RNF6: variants seen among roughly 807,000 people sequenced by gnomAD.
RNF6 encodes E3 ubiquitin-protein ligase RNF6.
A neutral mutation model predicts 50.1 loss-of-function variants in RNF6; 21 were observed. The ratio of observed to expected loss-of-function variants is 0.42; its 90% CI spans 0.30 to 0.60. RNF6 has a LOEUF of 0.60. Ranked by LOEUF, RNF6 falls within the 20% of genes least tolerant of loss-of-function variation. The pLI is 0.20. For synonymous variants in RNF6, 255 were observed against 291.8 expected (o/e 0.87, Z 1.29); for missense variants, 698 against 838.2 (o/e 0.83, Z 2.07).
At chr13:26,148,632 TTATATATATATATATATATATATA>T (rs57373126) in intron 5 of RNF6, among the ~76,000 whole-genome samples, 15 of 47,086 alleles carry the variant, frequency 3.2e-4, no homozygotes, top group Admixed American at 1.8e-3. Context: ...ATAAATCTCT[TTATATATATATATATATATATATA>T]TATATATATA....
chr13:26,211,684 T>C (rs1029003216), downstream of RNF6, among the ~76,000 whole-genome samples: 1 of 152,036 alleles, frequency 6.6e-6, no homozygotes, highest in Non-Finnish European at 1.5e-5. Flanking sequence ...CTTGAACCTG[T>C]GAGGCGGAGG....
intron 5 of RNF6, among the ~76,000 whole-genome samples, chr13:26,169,213 C>T (rs1363597918): frequency 6.6e-6 from 1 of 152,116 alleles, no homozygotes; most frequent in Non-Finnish European, 1.5e-5. Context: ...CCCCTCCCTG[C>T]TTCACAGACT....
intron 5 of RNF6, among the ~76,000 whole-genome samples, chr13:26,194,382 A>C (rs1175538845): frequency 1.3e-5 from 2 of 152,190 alleles, no homozygotes; most frequent in East Asian, 1.9e-4. Context: ...GGAGGAGAAG[A>C]AAAACTGAAG....
intron 5 of RNF6, among the ~76,000 whole-genome samples, chr13:26,204,824 T>G (rs9319280): frequency 0.2 from 31,141 of 152,184 alleles, 3,709 homozygotes; most frequent in East Asian, 0.4. Flanking sequence ...GGTATTCAAT[T>G]CTAATTGAAG....
chr13:26,220,450 T>G (rs1870360159), intron 2 of RNF6, among the ~76,000 whole-genome samples: 1 of 152,228 alleles, frequency 6.6e-6, no homozygotes, highest in Non-Finnish European at 1.5e-5. Flanking sequence ...TAAGTGTCAC[T>G]CCTGAGAAGC....
At chr13:26,148,637 T>TAC in intron 5 of RNF6, among the ~76,000 whole-genome samples, 1 of 83,106 alleles carries the variant, frequency 1.2e-5, no homozygotes, top group South Asian at 4.3e-4. Context: ...TCTCTTTATA[T>TAC]ATATATATAT....
chr13:26,142,177 G>T (rs1409641308), intron 5 of RNF6: 2 of 152,018 alleles, frequency 1.3e-5, no homozygotes, highest in Admixed American at 1.3e-4. Context: ...ACCACAATAA[G>T]ATAAGATCTC....
intron 5 of RNF6, among the ~76,000 whole-genome samples, chr13:26,161,081 A>T (rs1872191034): frequency 6.6e-6 from 1 of 152,188 alleles, no homozygotes; most frequent in South Asian, 2.1e-4. Flanking sequence ...AAAGAAAAAA[A>T]AGTTATCCTC....
intron 5 of RNF6, among the ~76,000 whole-genome samples, chr13:26,143,792 T>C (rs910340121): frequency 6.6e-6 from 1 of 152,168 alleles, no homozygotes. Flanking sequence ...GTGAACGTGG[T>C]AAGACTAGTG....
At chr13:26,159,415 C>T (rs141032342) in intron 5 of RNF6, among the ~76,000 whole-genome samples, 1 of 151,940 alleles carries the variant, frequency 6.6e-6, no homozygotes, top group African/African-American at 2.4e-5. Flanking sequence ...ACAAGGTCAG[C>T]AGATCGAGAC....
At chr13:26,188,590 T>C (rs1047797911) in intron 5 of RNF6, among the ~76,000 whole-genome samples, 3 of 146,856 alleles carry the variant, frequency 2.0e-5, no homozygotes, top group Non-Finnish European at 3.0e-5. Flanking sequence ...CTCTCCCTTT[T>C]AGTGGGGGCT....
chr13:26,155,591 G>A (rs533316950), intron 5 of RNF6, among the ~76,000 whole-genome samples: 93 of 152,280 alleles, frequency 6.1e-4, no homozygotes, highest in African/African-American at 9.9e-4. Flanking sequence ...GGGAAGGCCC[G>A]TGTCCCTGAT....
chr13:26,177,339 A>C (rs910004606), intron 5 of RNF6, among the ~76,000 whole-genome samples: 1 of 152,112 alleles, frequency 6.6e-6, no homozygotes, highest in Non-Finnish European at 1.5e-5. Flanking sequence ...CATAGAGACC[A>C]CTTTGCCAAG....
intron 5 of RNF6, among the ~76,000 whole-genome samples, chr13:26,135,885 C>T (rs922624440): frequency 2.6e-5 from 4 of 152,120 alleles, no homozygotes; most frequent in African/African-American, 7.2e-5. Flanking sequence ...CCTCCTCCCT[C>T]GCTCTCTTGC....
chr13:26,152,364 T>C (rs1378202451), intron 5 of RNF6, among the ~76,000 whole-genome samples: 1 of 152,204 alleles, frequency 6.6e-6, no homozygotes, highest in East Asian at 1.9e-4. Context: ...AGGTCTTCCT[T>C]GGTCCATCGG....
chr13:26,132,128 GC>G (rs979485529), exon 6 of RNF6: 45 of 126,124 alleles, frequency 3.6e-4, no homozygotes, highest in Non-Finnish European at 5.6e-4. Context: ...ATTTAAGAAT[GC>G]TTTTTTTTAA....
At position 26,213,541 on chromosome 13, in the gene RNF6, CAA is replaced by C. The variant is rs549133085; in HGVS notation, c.*281_*282del. ...CTTAACCTACTGAATTGTGCAGATA[CAA>C]AAGTGCTTAGCATGACAAAATTACC... is the stretch of plus-strand genomic sequence containing the variant. On this transcript the variant is annotated 3_prime_UTR_variant, in exon 5 of 5. Transcript: ENST00000381588. 68 of 245,236 alleles carry C rather than the reference CAA, an allele frequency of 2.8e-4. 1 individual carries two copies. In the East Asian group the frequency reaches 5.9e-3, roughly 21 times the overall value. 15.2% of individuals were successfully genotyped at this position (245,236 alleles called of 1,614,324 possible).
At chr13:26,146,137 G>T (rs1871229160) in intron 5 of RNF6, among the ~76,000 whole-genome samples, 1 of 152,218 alleles carries the variant, frequency 6.6e-6, no homozygotes, top group East Asian at 1.9e-4. Context: ...CCAGTGCACA[G>T]TTATTCTGAT....
chr13:26,194,267 G>T (rs1176435879), intron 5 of RNF6, among the ~76,000 whole-genome samples: 4 of 152,100 alleles, frequency 2.6e-5, no homozygotes, highest in East Asian at 3.9e-4. Flanking sequence ...GCAGGGGAGA[G>T]GCAAGAGAGT....
Sources: gnomAD v4.1 joint callset for allele counts (sites outside exome capture counted in the v4.1 genomes callset) on GRCh38, gnomAD v4.1.1 for gene constraint, MANE v1.5 for transcripts, NCBI Gene and HGNC (gene_info 2026-07-23, HGNC 2026-07-21) for gene names.